The following AFF3 variants were observed in gnomAD, a reference collection of about 807,000 sequenced individuals.
The protein encoded by AFF3 is ALF transcription elongation factor 3, also known as AF4/FMR2 family member 3.
Under a neutral mutation model 129.7 loss-of-function variants are expected in AFF3, and 32 were observed. That is an observed-to-expected ratio of 0.25 (90% confidence interval 0.19 to 0.33). The LOEUF (loss-of-function observed/expected upper bound fraction) is 0.33. Ranked by LOEUF, AFF3 falls within the 10% of genes least tolerant of loss-of-function variation. The pLI is 1.00. For missense variants in AFF3, 1,373 were observed against 1,592.0 expected (o/e 0.86, Z 2.34); for synonymous variants, 644 against 635.4 (o/e 1.01, Z -0.20).
At chr2:99,683,540 C>G (rs1441021319) in intron 11 of AFF3, among the ~76,000 whole-genome samples, 2 of 152,034 alleles carry the variant, frequency 1.3e-5, no homozygotes, top group African/African-American at 4.8e-5. Context: ...GCCTTGACCT[C>G]CCAGGCTCAA....
At chr2:100,078,329 G>A (rs1185917015) in intron 4 of AFF3, among the ~76,000 whole-genome samples, 1 of 152,154 alleles carries the variant, frequency 6.6e-6, no homozygotes, top group Non-Finnish European at 1.5e-5. Context: ...AAATACTAAG[G>A]AGAGTTTTTA....
chr2:99,640,695 T>G (rs1684114636), intron 13 of AFF3, among the ~76,000 whole-genome samples: 1 of 152,162 alleles, frequency 6.6e-6, no homozygotes, highest in South Asian at 2.1e-4. Flanking sequence ...TTGGTCTTAC[T>G]GCATTCAATA....
chr2:100,076,159 G>GA (rs1688574123), intron 4 of AFF3, among the ~76,000 whole-genome samples: 1 of 152,188 alleles, frequency 6.6e-6, no homozygotes, highest in Non-Finnish European at 1.5e-5. Flanking sequence ...TGTTCATGGT[G>GA]AAAAAGATGT....
At chr2:99,686,876 G>C (rs2104610831) in intron 11 of AFF3, among the ~76,000 whole-genome samples, 2 of 152,320 alleles carry the variant, frequency 1.3e-5, no homozygotes, top group South Asian at 4.1e-4. Context: ...AGCCTACCCT[G>C]TTCTGTAATA....
intron 12 of AFF3, among the ~76,000 whole-genome samples, chr2:99,667,742 A>C (rs893931363): frequency 6.6e-5 from 10 of 152,230 alleles, no homozygotes; most frequent in Admixed American, 6.5e-5. Context: ...AAACATGACA[A>C]CTTAAGTGAC....
rs1363961175 is a variant in AFF3 at position 99,547,260 on chromosome 2, C to T, written c.*4214G>A. 3 of 215,936 alleles carry T rather than the reference C, an allele frequency of 1.4e-5. No individual in the cohort carries two copies. The highest frequency in any genetic ancestry group is 2.8e-5 in the Non-Finnish European group (3 of 106,934). The allele number at this position is 215,936 out of a possible 1,614,324, so 13.4% of individuals were successfully genotyped here. A position where few individuals can be genotyped will look rare whatever the true frequency, so the allele number is the denominator to read the frequency against. On this transcript the variant is annotated 3_prime_UTR_variant, in exon 25 of 25. Transcript: ENST00000672756. ...ACAACTCAACTTCTCTCATTTACAA[C>T]ATAAATCATTTAATGTAACATTTGC...
chr2:99,854,446 A>T (rs910611931), intron 7 of AFF3, among the ~76,000 whole-genome samples: 7 of 152,202 alleles, frequency 4.6e-5, no homozygotes, highest in Non-Finnish European at 8.8e-5. Context: ...CAACCCTTTA[A>T]ATCTCATGCA....
chr2:99,865,990 C>T (rs577050124), intron 7 of AFF3, among the ~76,000 whole-genome samples: 51 of 152,266 alleles, frequency 3.3e-4, no homozygotes, highest in Admixed American at 1.0e-3. Context: ...CTAGGCAGCC[C>T]GATTGGCAGT....
intron 4 of AFF3, among the ~76,000 whole-genome samples, chr2:100,046,378 G>A (rs1009356357): frequency 2.0e-5 from 3 of 152,046 alleles, no homozygotes; most frequent in African/African-American, 7.2e-5. Flanking sequence ...ATTAATCTAC[G>A]ATGCCTCTCA....
chr2:99,814,243 C>G (rs1687033964), intron 8 of AFF3, among the ~76,000 whole-genome samples: 1 of 151,976 alleles, frequency 6.6e-6, no homozygotes. Context: ...CCACCACCAC[C>G]ACCACCACCA....
intron 4 of AFF3, among the ~76,000 whole-genome samples, chr2:100,058,333 G>A (rs113170635): frequency 4.6e-5 from 7 of 152,080 alleles, no homozygotes; most frequent in African/African-American, 1.4e-4. Flanking sequence ...ACCATGCTAC[G>A]TGTATTTTTT....
intron 7 of AFF3, among the ~76,000 whole-genome samples, chr2:99,873,900 C>T (rs982166374): frequency 1.3e-5 from 2 of 152,158 alleles, no homozygotes; most frequent in African/African-American, 2.4e-5. Flanking sequence ...CTGGGCCGGG[C>T]GCGGTGGCTC....
At chr2:99,699,044 GC>G (rs1371478382) in intron 11 of AFF3, among the ~76,000 whole-genome samples, 1 of 152,170 alleles carries the variant, frequency 6.6e-6, no homozygotes, top group African/African-American at 2.4e-5. Context: ...AACTCAGAAT[GC>G]CAGTTCCTTA....
At chr2:99,730,699 G>A (rs1299835197) in intron 10 of AFF3, among the ~76,000 whole-genome samples, 1 of 151,868 alleles carries the variant, frequency 6.6e-6, no homozygotes, top group Non-Finnish European at 1.5e-5. Context: ...ATTTTTAGTA[G>A]AGACGAGGTT....
intron 7 of AFF3, among the ~76,000 whole-genome samples, chr2:99,988,450 G>A (rs1680061035): frequency 6.6e-6 from 1 of 152,190 alleles, no homozygotes; most frequent in African/African-American, 2.4e-5. Flanking sequence ...CTGGAGGGGT[G>A]AGGTGATGTA....
intron 11 of AFF3, among the ~76,000 whole-genome samples, chr2:99,691,594 A>C (rs1675662475): frequency 6.6e-6 from 1 of 152,312 alleles, no homozygotes; most frequent in East Asian, 1.9e-4. Context: ...TTTAGTGATT[A>C]TCAAGACCAG....
At chr2:99,881,315 T>G (rs1692697125) in intron 7 of AFF3, among the ~76,000 whole-genome samples, 2 of 152,114 alleles carry the variant, frequency 1.3e-5, no homozygotes, top group African/African-American at 4.8e-5. Flanking sequence ...GGAAGTATAT[T>G]TTATTCTCCT....
intron 7 of AFF3, among the ~76,000 whole-genome samples, chr2:99,940,859 T>C (rs1674970068): frequency 1.3e-5 from 2 of 152,150 alleles, no homozygotes; most frequent in South Asian, 4.1e-4. Flanking sequence ...TTAACAACAG[T>C]GTCGAAAACC....
intron 8 of AFF3, among the ~76,000 whole-genome samples, chr2:99,788,459 A>T (rs1684964951): frequency 6.6e-6 from 1 of 152,222 alleles, no homozygotes; most frequent in Non-Finnish European, 1.5e-5. Flanking sequence ...GCCCAAAAAA[A>T]TTAAAAAGAA....
Sources: gnomAD v4.1 joint callset for allele counts (sites outside exome capture counted in the v4.1 genomes callset) on GRCh38, gnomAD v4.1.1 for gene constraint, MANE v1.5 for transcripts, NCBI Gene and HGNC (gene_info 2026-07-23, HGNC 2026-07-21) for gene names.